Variants in CHIC1 observed in about 807,000 individuals in gnomAD.
CHIC1 encodes cysteine rich hydrophobic domain 1.
In CHIC1, 7 loss-of-function variants were observed where a neutral mutation model predicts 18.5. That is an observed-to-expected ratio of 0.38 (90% CI 0.22 to 0.71). The LOEUF is 0.71. Among genes scored for constraint, CHIC1 ranks in the 30% least tolerant of loss-of-function variants. The pLI is 0.49. For missense variants in CHIC1, 159 were observed against 176.9 expected (o/e 0.90, Z 0.57); for synonymous variants, 77 against 73.5 (o/e 1.05, Z -0.25).
chrX:73,649,068 G>A (rs2057903166), intron 3 of CHIC1, among the ~76,000 whole-genome samples: 1 of 111,913 alleles, frequency 8.9e-6, no homozygotes, highest in South Asian at 3.7e-4. Flanking sequence ...GAAAAGATTT[G>A]TCAACCCAGA....
At chrX:73,619,940 G>A (rs1407728005) in intron 3 of CHIC1, among the ~76,000 whole-genome samples, 1 of 110,890 alleles carries the variant, frequency 9.0e-6, no homozygotes, top group Non-Finnish European at 1.9e-5. Context: ...TCCCACTAAT[G>A]AGTGAGAACA....
intron 3 of CHIC1, among the ~76,000 whole-genome samples, chrX:73,611,890 G>C (rs1369475176): frequency 1.8e-5 from 2 of 108,524 alleles, no homozygotes; most frequent in African/African-American, 7.0e-5. Context: ...TTGTAAATTT[G>C]TTTGAGTTCA....
intron 3 of CHIC1, among the ~76,000 whole-genome samples, chrX:73,655,579 A>G (rs1484811709): frequency 1.1e-5 from 1 of 94,438 alleles, no homozygotes; most frequent in African/African-American, 3.9e-5. Context: ...GTGTGCATAT[A>G]TATACATATA....
In CHIC1 at chrX:73,563,512, G is replaced by T; in HGVS notation, c.228G>T (p.Val76=). The change falls in exon 1 of 6, where the codon GTG becomes GTT. Residue 76 remains valine (V), a synonymous_variant. Coordinates refer to ENST00000373502, the MANE Select transcript of CHIC1 (RefSeq NM_001039840.4). ...EEEAPPPPRV[V]SEEHLRRYAP... Reference sequence around the variant, plus strand: ...AAGCGCCGCCCCCGCCTCGGGTAGTGAGCGAGGAGCATCTGCGGAGATATG... The same window carrying T: ...AAGCGCCGCCCCCGCCTCGGGTAGTTAGCGAGGAGCATCTGCGGAGATATG... 8.6e-7 allele frequency: 1 copy of T among 1,160,631 alleles called. No individual in the cohort carries two copies. Among genetic ancestry groups the T allele is most frequent in the Non-Finnish European group, 1.2e-6 (1 of 869,379 alleles).
At chrX:73,625,232 G>A (rs1264864089) in intron 3 of CHIC1, among the ~76,000 whole-genome samples, 3 of 111,438 alleles carry the variant, frequency 2.7e-5, no homozygotes, top group African/African-American at 9.8e-5. Flanking sequence ...AAATACATAT[G>A]ACAAACCATA....
At chrX:73,580,743 A>G (rs181928919) in intron 2 of CHIC1, among the ~76,000 whole-genome samples, 2 of 111,272 alleles carry the variant, frequency 1.8e-5, no homozygotes, top group Admixed American at 1.9e-4. Flanking sequence ...TAAAGTAGAA[A>G]AAAAATCTAC....
intron 3 of CHIC1, among the ~76,000 whole-genome samples, chrX:73,586,810 C>T (rs370470800): frequency 9.0e-6 from 1 of 111,672 alleles, no homozygotes; most frequent in Non-Finnish European, 1.9e-5. Flanking sequence ...GAAATGTTTG[C>T]GTAAGTTGTA....
chrX:73,604,129 G>T lies in CHIC1; in HGVS notation c.507+19557G>T, dbSNP rs183648663. Among the ~76,000 whole-genome samples the T allele has an allele frequency of 9.2e-4, 97 of 105,651 alleles. 4 individuals are homozygous for T. In the East Asian group the frequency reaches 0.014, roughly 16 times the overall value. 91.7% of individuals were successfully genotyped at this position (105,651 alleles called of 115,157 possible). A position where few individuals can be genotyped will look rare whatever the true frequency, so the allele number is the denominator to read the frequency against. On this transcript the variant is annotated intron_variant, in intron 3 of 5. Transcript: ENST00000373502. ...GTAGAATTCAGCTGTGAATCCATCT[G>T]GCCCTGGGCTTTTTTCAGTTGGTAA...
chrX:73,663,050 C>T (rs1192601392), intron 3 of CHIC1, among the ~76,000 whole-genome samples: 2 of 111,116 alleles, frequency 1.8e-5, no homozygotes, highest in Non-Finnish European at 3.8e-5. Flanking sequence ...TGTTCTGCAA[C>T]GGGAATAGTA....
chrX:73,679,738 AT>A (rs1164909249), intron 5 of CHIC1, 25 bp downstream of exon 5: 5 of 839,894 alleles, frequency 6.0e-6, no homozygotes, highest in South Asian at 3.3e-5. Context: ...GTTTTTAATT[AT>A]TTTTTTATTC....
intron 3 of CHIC1, among the ~76,000 whole-genome samples, chrX:73,643,228 G>A (rs1180835011): frequency 1.1e-4 from 12 of 110,952 alleles, no homozygotes; most frequent in Admixed American, 1.9e-4. Context: ...AGTTTCTGCC[G>A]AGAGATCTGC....
At chrX:73,597,503 GTTTTC>G (rs1221157786) in intron 3 of CHIC1, among the ~76,000 whole-genome samples, 2 of 107,981 alleles carry the variant, frequency 1.9e-5, no homozygotes, top group East Asian at 2.9e-4. Flanking sequence ...CATTAAACTA[GTTTTC>G]TTTTCTTGCC....
At position 73,570,319 on chromosome X, in the gene CHIC1, A is replaced by G. The variant is rs2057464608; in HGVS notation, c.296+6739A>G. ...ACTTAGACTTAAACTTTGGAGGGGA[A>G]GCAAGGAGAACCACATGAGCAAGGA... On this transcript the variant is annotated intron_variant, in intron 1 of 5. Transcript: ENST00000373502. Among the ~76,000 whole-genome samples, 2 of 111,085 alleles carry G rather than the reference A, an allele frequency of 1.8e-5. 1 individual carries two copies. The highest frequency in any genetic ancestry group is 5.7e-4 in the East Asian group (2 of 3,525).
In CHIC1 at chrX:73,686,493, G is replaced by A. The variant is rs2058122371; in HGVS notation, c.*5488G>A. On this transcript the variant is annotated 3_prime_UTR_variant, in exon 6 of 6. Transcript: ENST00000373502. ...ATATCAATTTCTGACTCTTAAAGTAGTTCTGTGTATAAATTCAACATGATG... is the reference window on the plus strand; with the variant it reads ...ATATCAATTTCTGACTCTTAAAGTAATTCTGTGTATAAATTCAACATGATG... The A allele has an allele frequency of 8.9e-6, 1 of 111,760 alleles. No individual in the cohort carries two copies. The highest frequency in any genetic ancestry group is 1.9e-5 in the Non-Finnish European group (1 of 52,987). The allele number at this position is 111,760 out of a possible 1,213,427, so 9.2% of individuals were successfully genotyped here.
At chrX:73,589,558 TTA>T (rs1275104373) in intron 3 of CHIC1, among the ~76,000 whole-genome samples, 1 of 111,240 alleles carries the variant, frequency 9.0e-6, no homozygotes, top group Non-Finnish European at 1.9e-5. Flanking sequence ...TTATCACAAA[TTA>T]TATGTTATAT....
chrX:73,632,598 G>A (rs1407722189), intron 3 of CHIC1, among the ~76,000 whole-genome samples: 1 of 106,858 alleles, frequency 9.4e-6, no homozygotes, highest in Non-Finnish European at 1.9e-5. Flanking sequence ...CTCATCTTTT[G>A]TGTGTCTACT....
chrX:73,656,947 C>G (rs2057952253), intron 3 of CHIC1, among the ~76,000 whole-genome samples: 1 of 111,457 alleles, frequency 9.0e-6, no homozygotes, highest in Admixed American at 9.5e-5. Context: ...GGAATTTTTT[C>G]CACTTGTTTG....
chrX:73,597,278 G>A (rs1414663032), intron 3 of CHIC1, among the ~76,000 whole-genome samples: 1 of 111,409 alleles, frequency 9.0e-6, no homozygotes, highest in African/African-American at 3.3e-5. Context: ...TTGAACATTT[G>A]TATGTCTTTT....
chrX:73,661,045 G>A (rs937513545), intron 3 of CHIC1, among the ~76,000 whole-genome samples: 1 of 111,359 alleles, frequency 9.0e-6, no homozygotes, highest in Non-Finnish European at 1.9e-5. Context: ...GCGTGGGTAC[G>A]TTCTACTATG....
Sources: gnomAD v4.1 joint callset for allele counts (sites outside exome capture counted in the v4.1 genomes callset) on GRCh38, gnomAD v4.1.1 for gene constraint, MANE v1.5 for transcripts, NCBI Gene and HGNC (gene_info 2026-07-23, HGNC 2026-07-21) for gene names.